The following PCDHGA9 variants were observed in gnomAD, a reference collection of about 807,000 sequenced individuals.
The protein encoded by PCDHGA9 is protocadherin gamma subfamily A, 9, also known as protocadherin gamma-A9.
PCDHGA9 carries 37 observed loss-of-function variants against 62.5 expected under a neutral mutation model. The observed-to-expected ratio is 0.59, with a 90% CI of 0.46 to 0.78. PCDHGA9 has a LOEUF of 0.78. Among genes scored for constraint, PCDHGA9 ranks in the 30% least tolerant of loss-of-function variants. PCDHGA9 has a pLI of 0.00. For missense variants in PCDHGA9, 1,138 were observed against 1,166.2 expected (o/e 0.98, Z 0.35); for synonymous variants, 459 against 484.6 (o/e 0.95, Z 0.69).
At chr5:141,443,029 C>T (rs1281303741) in intron 1 of PCDHGA9, among the ~76,000 whole-genome samples, 3 of 152,192 alleles carry the variant, frequency 2.0e-5, no homozygotes, top group Non-Finnish European at 2.9e-5. Flanking sequence ...AGTTGCCAGA[C>T]CTAAACTTTG....
Position 141,404,741 on chromosome 5 carries a change from GACT to G in PCDHGA9, c.1790_1792del (p.Asp597_Ser598delinsAla). 6.2e-7 allele frequency: 1 copy of G among 1,614,072 alleles called. No individual in the cohort carries two copies. The highest frequency in any genetic ancestry group is 8.5e-7 in the Non-Finnish European group (1 of 1,180,030). On this transcript the variant is annotated inframe_deletion, in exon 1 of 4. Coordinates refer to ENST00000573521, the MANE Select transcript of PCDHGA9 (RefSeq NM_018921.3). ...GACCAAGGTGGTGGCAGTGGACAGAGACTCAGGCCAGAATGCTTGGCTCTCCTA... is the reference window on the plus strand; with the variant it reads ...GACCAAGGTGGTGGCAGTGGACAGAGCAGGCCAGAATGCTTGGCTCTCCTA...
chr5:141,455,795 C>T (rs1251703490), intron 1 of PCDHGA9, among the ~76,000 whole-genome samples: 1 of 151,960 alleles, frequency 6.6e-6, no homozygotes, highest in African/African-American at 2.4e-5. Flanking sequence ...TCCGGAGATG[C>T]TTTAAAAAAT....
chr5:141,496,993 C>G (rs981547671), intron 2 of PCDHGA9, among the ~76,000 whole-genome samples: 1 of 151,910 alleles, frequency 6.6e-6, no homozygotes, highest in South Asian at 2.1e-4. Flanking sequence ...TGAGACCAGC[C>G]TGGCAGCCAA....
At position 141,485,651 on chromosome 5, in the gene PCDHGA9, G is replaced by A. The variant is rs752827268; in HGVS notation, c.2425-9156G>A. The A allele has an allele frequency of 6.8e-6, 11 of 1,612,228 alleles. No individual in the cohort carries two copies. The Admixed American group carries it at 1.3e-4, about 20-fold the overall frequency. ...TTTCCCGTTGGAAAAGGCTCAGGATGCAGATGTGGGGAGCAATTCGATTAG... is the reference window on the plus strand; with the variant it reads ...TTTCCCGTTGGAAAAGGCTCAGGATACAGATGTGGGGAGCAATTCGATTAG... On this transcript the variant is annotated intron_variant, in intron 1 of 3. Transcript: ENST00000573521. This position sits in a 1 kb window ranked among gnomAD's most constrained non-coding sequence, Gnocchi z 5.7.
chr5:141,448,639 T>A (rs1248697237), intron 1 of PCDHGA9, among the ~76,000 whole-genome samples: 1 of 152,148 alleles, frequency 6.6e-6, no homozygotes, highest in Admixed American at 6.6e-5. Flanking sequence ...CATTATATCC[T>A]TTAAAAATAT....
chr5:141,485,805 T>C lies in PCDHGA9; in HGVS notation c.2425-9002T>C, dbSNP rs753916789. ...GAGAAGCAATCGGACTACCGCCTGG[T>C]GCTGACTGCTGTCGATGGAGGGAAC... On this transcript the variant is annotated intron_variant, in intron 1 of 3. Coordinates refer to ENST00000573521, the MANE Select transcript of PCDHGA9 (RefSeq NM_018921.3). The surrounding 1 kb of genome is among the most constrained non-coding windows in gnomAD (Gnocchi z 5.7). 1.2e-6 allele frequency: 2 copies of C among 1,614,198 alleles called. No individual in the cohort carries two copies. The highest frequency in any genetic ancestry group is 1.7e-6 in the Non-Finnish European group (2 of 1,180,026).
chr5:141,443,708 T>G (rs2098400247), intron 1 of PCDHGA9, among the ~76,000 whole-genome samples: 1 of 152,192 alleles, frequency 6.6e-6, no homozygotes, highest in Non-Finnish European at 1.5e-5. Context: ...GAATAACATT[T>G]GCATATAAAA....
rs962794399 is a variant in PCDHGA9, at chr5:141,449,958, AT to A, written c.2424+44590del. Among the ~76,000 whole-genome samples, 332 of 148,828 alleles carry A rather than the reference AT, an allele frequency of 2.2e-3. 1 individual carries two copies. The highest frequency in any genetic ancestry group is 6.8e-3 in the Admixed American group (101 of 14,904). Reference sequence around the variant, plus strand: ...GTATATTTTACTATACCTCATAGTAATTTTTTTTAGTCCAAAATATCACACA... The same window carrying A: ...GTATATTTTACTATACCTCATAGTAATTTTTTTAGTCCAAAATATCACACA... On this transcript the variant is annotated intron_variant, in intron 1 of 3. Coordinates refer to ENST00000573521, the MANE Select transcript of PCDHGA9 (RefSeq NM_018921.3).
intron 1 of PCDHGA9, chr5:141,408,313 T>G (rs375849626): frequency 6.2e-7 from 1 of 1,613,758 alleles, no homozygotes; most frequent in African/African-American, 1.3e-5. Flanking sequence ...GCTACTCGAT[T>G]CCGGAGGAGC....
intron 2 of PCDHGA9, among the ~76,000 whole-genome samples, chr5:141,499,689 CTTTTT>C (rs545067566): frequency 3.3e-5 from 4 of 119,852 alleles, no homozygotes; most frequent in Non-Finnish European, 3.5e-5. Flanking sequence ...TAACAGATGA[CTTTTT>C]TTTTTTTTTT....
intron 1 of PCDHGA9, among the ~76,000 whole-genome samples, chr5:141,460,922 ATATGTGTGTGTG>A: frequency 6.6e-6 from 1 of 151,042 alleles, no homozygotes; most frequent in Non-Finnish European, 1.5e-5. Context: ...GTATATATAT[ATATGTGTGTGTG>A]TATATATATG....
At position 141,432,995 on chromosome 5, in the gene PCDHGA9, G is replaced by A. The variant is rs576866505; in HGVS notation, c.2424+27619G>A. On this transcript the variant is annotated intron_variant, in intron 1 of 3. Transcript: ENST00000573521. This position sits in a 1 kb window ranked among gnomAD's most constrained non-coding sequence, Gnocchi z 6.0. ...GTCGCACTTTGTGGGCGTGGACGGGGTGCAGGCTTTCCTGCAGACCTATTC... is the reference window on the plus strand; with the variant it reads ...GTCGCACTTTGTGGGCGTGGACGGGATGCAGGCTTTCCTGCAGACCTATTC... The A allele has an allele frequency of 1.2e-6, 2 of 1,614,226 alleles. No individual in the cohort carries two copies. The highest frequency in any genetic ancestry group is 3.3e-5 in the Admixed American group (2 of 60,028).
At chr5:141,448,220 G>A (rs750470070) in intron 1 of PCDHGA9, among the ~76,000 whole-genome samples, 9 of 152,148 alleles carry the variant, frequency 5.9e-5, no homozygotes, top group Non-Finnish European at 1.0e-4. Flanking sequence ...GTATGCGAAT[G>A]TATGTGTGGG....
rs762530904 is a variant in PCDHGA9, at chr5:141,422,966, C to T, written c.2424+17590C>T. The T allele has an allele frequency of 2.5e-6, 4 of 1,614,112 alleles. No individual in the cohort carries two copies. The East Asian group carries it at 8.9e-5, about 36-fold the overall frequency. ...GGCTCCACTGGCGTGGAGCTGGCGC[C>T]CCGCTCTGCGGAACCTGGCTACCTG... On this transcript the variant is annotated intron_variant, in intron 1 of 3. Coordinates refer to ENST00000573521, the MANE Select transcript of PCDHGA9 (RefSeq NM_018921.3).
chr5:141,449,630 T>G (rs1006977026), intron 1 of PCDHGA9, among the ~76,000 whole-genome samples: 2 of 150,024 alleles, frequency 1.3e-5, no homozygotes, highest in Non-Finnish European at 3.0e-5. Flanking sequence ...TTTAAAAAGA[T>G]GTATCTATAT....
At chr5:141,427,599 C>G (rs1233253295) in intron 1 of PCDHGA9, 1 of 682,980 alleles carries the variant, frequency 1.5e-6, no homozygotes, top group African/African-American at 1.8e-5. Flanking sequence ...CCTCACCCTA[C>G]GCATTGGTGA....
chr5:141,409,769 G>A (rs1413636372), intron 1 of PCDHGA9: 19 of 1,612,658 alleles, frequency 1.2e-5, no homozygotes, highest in Non-Finnish European at 1.5e-5. Context: ...CTTTGATCAC[G>A]AGCAGCTGCG....
In PCDHGA9 at chr5:141,476,255, G is replaced by A. The variant is rs767691159; in HGVS notation, c.2425-18552G>A. 6.2e-7 allele frequency: 1 copy of A among 1,614,090 alleles called. No individual in the cohort carries two copies. Among genetic ancestry groups the A allele is most frequent in the Admixed American group, 1.7e-5 (1 of 60,022 alleles). ...GGAGGAAAGAGAGAAGGGTTTCGCT[G>A]TGGGCAACGTGGTCGCGAACCTTGG... On this transcript the variant is annotated intron_variant, in intron 1 of 3. Transcript: ENST00000573521. The surrounding 1 kb of genome is among the most constrained non-coding windows in gnomAD (Gnocchi z 7.6).
chr5:141,499,485 A>G (rs1278629076), intron 2 of PCDHGA9, among the ~76,000 whole-genome samples: 2 of 152,226 alleles, frequency 1.3e-5, no homozygotes, highest in Non-Finnish European at 2.9e-5. Flanking sequence ...ACCACCAACT[A>G]CAGTTTAATA....
Sources: allele counts gnomAD v4.1 joint callset (sites outside exome capture counted in the v4.1 genomes callset), GRCh38; gene constraint gnomAD v4.1.1; non-coding constraint Gnocchi (gnomAD v3.1); transcripts MANE v1.5; gene names NCBI Gene and HGNC (gene_info 2026-07-23, HGNC 2026-07-21).